ANKRD2: variants seen among roughly 807,000 people sequenced by gnomAD.
The protein encoded by ANKRD2 is ankyrin repeat domain 2.
In ANKRD2, 35 loss-of-function variants were observed where a neutral mutation model predicts 37.3. The observed-to-expected ratio is 0.94, with a 90% CI of 0.72 to 1.24. The LOEUF is 1.24. Among genes scored for constraint, ANKRD2 ranks in the 50% most tolerant of loss-of-function variants. The probability of loss-of-function intolerance (pLI) is 0.00; values close to 1 mark genes in which losing one functional copy is unlikely to be tolerated. For missense variants in ANKRD2, 410 were observed against 445.6 expected, an observed-to-expected ratio of 0.92 and a Z score of 0.72; for synonymous variants, 159 against 186.5, an observed-to-expected ratio of 0.85 and a Z score of 1.20.
chr10:97,578,144 G>GGGCCCCCCCCCCCCCCCCCCCCCCAAA, intron 2 of ANKRD2, 96 bp from the exon 3 acceptor site: 1 of 685,446 alleles, frequency 1.5e-6, no homozygotes, highest in Non-Finnish European at 2.5e-6. Flanking sequence ...GGGTCTTCCT[G>GGGCCCCCCCCCCCCCCCCCCCCCCAAA]CCCACCCCAC....
chr10:97,578,703 A>G (rs2040861243), intron 4 of ANKRD2, 98 bp downstream of exon 4: 6 of 960,628 alleles, frequency 6.2e-6, no homozygotes, highest in Admixed American at 2.6e-5. Flanking sequence ...ATTTGAGAGG[A>G]GGCACCGGTG....
At chr10:97,576,668 T>TTTTATTTA (rs59288893) in intron 1 of ANKRD2, among the ~76,000 whole-genome samples, 53,633 of 140,098 alleles carry the variant, frequency 0.38, 10,641 homozygotes, top group East Asian at 0.53. Flanking sequence ...TTAAAACTTA[T>TTTTATTTA]TTTATTTATT....
At position 97,578,311 on chromosome 10, in the gene ANKRD2, C is replaced by T. The variant is rs1176111268; in HGVS notation, c.261C>T (p.Asn87=). ...TCATCGATGTGGGCGGGATCCAGAA[C>T]CTCATCGAGCTGCGGAAGAAACGCA... ...REIIDVGGIQ[N]LIELRKKRKQ... Residue 87 remains asparagine (N), a synonymous_variant, in exon 3 of 9, where the codon AAC becomes AAT. Transcript: ENST00000370655. 4 of 1,613,124 alleles carry T rather than the reference C, an allele frequency of 2.5e-6. No homozygotes were observed. Among genetic ancestry groups the T allele is most frequent in the Non-Finnish European group, 3.4e-6 (4 of 1,179,974 alleles).
At chr10:97,576,712 T>TTTA (rs2040831110) in intron 1 of ANKRD2, among the ~76,000 whole-genome samples, 4 of 31,072 alleles carry the variant, frequency 1.3e-4, no homozygotes, top group South Asian at 1.3e-3. Flanking sequence ...TTATTTATTT[T>TTTA]TTGAGACCGA....
At chr10:97,582,754 G>A in intron 8 of ANKRD2, 52 bp downstream of exon 8, 3 of 1,553,664 alleles carry the variant, frequency 1.9e-6, no homozygotes, top group Non-Finnish European at 2.7e-6. Context: ...CTCATACAGT[G>A]GAGGTGCTGT....
In ANKRD2 at chr10:97,578,265, C is replaced by T. The variant is rs776715321; in HGVS notation, c.215C>T (p.Ser72Phe). The T allele has an allele frequency of 8.7e-6, 14 of 1,612,724 alleles. No individual in the cohort carries two copies. The highest frequency in any genetic ancestry group is 1.1e-5 in the Non-Finnish European group (13 of 1,179,844). Residue 72 changes from serine to phenylalanine, a missense_variant, in exon 3 of 9, where the codon TCC becomes TTC. Coordinates refer to ENST00000370655, the MANE Select transcript of ANKRD2 (RefSeq NM_001346793.2). Reference protein sequence around the residue: ...VKGQERVRKTSLDLRREIIDV... With the variant: ...VKGQERVRKTFLDLRREIIDV... ...GGCCAAGAGCGCGTGCGCAAGACGT[C>T]CCTGGACCTGCGGCGGGAGATCATC...
rs1374328484 is a variant in ANKRD2, at chr10:97,574,198, G to T, written c.87+1323G>T. On this transcript the variant is annotated intron_variant, in intron 1 of 8. Coordinates refer to ENST00000370655, the MANE Select transcript of ANKRD2 (RefSeq NM_001346793.2). ...CTCAGGAGGCTGAGGCAGGAGAATT[G>T]CTTGAACCTGGGAGGCGGAGGTTGC... Among the ~76,000 whole-genome samples, 3 of 151,780 alleles carry T rather than the reference G, an allele frequency of 2.0e-5. No individual in the cohort carries two copies. The East Asian group carries it at 5.8e-4, about 29-fold the overall frequency.
At chr10:97,581,222 C>T (rs2040894029) in intron 5 of ANKRD2, 94 bp from the exon 6 acceptor site, 1 of 1,303,494 alleles carries the variant, frequency 7.7e-7, no homozygotes, top group Non-Finnish European at 1.1e-6. Context: ...TACCTTTCCC[C>T]TAGATATCCC....
intron 1 of ANKRD2, among the ~76,000 whole-genome samples, chr10:97,577,023 T>TCC (rs2040835237): frequency 1.4e-5 from 2 of 142,248 alleles, no homozygotes; most frequent in East Asian, 4.3e-4. Context: ...GCAGGGTCAT[T>TCC]CTCTCTCTCT....
chr10:97,582,578 C>G (rs764976264), intron 7 of ANKRD2, 26 bp from the exon 8 acceptor site: 3 of 1,604,748 alleles, frequency 1.9e-6, no homozygotes, highest in South Asian at 2.2e-5. Flanking sequence ...CCACAAGGGC[C>G]ATAGTGAGTG....
chr10:97,578,164 C>CCCA, intron 2 of ANKRD2, 76 bp from the exon 3 acceptor site: 1 of 1,387,892 alleles, frequency 7.2e-7, no homozygotes, highest in Non-Finnish European at 9.8e-7. Flanking sequence ...CCCTCCCCAC[C>CCCA]AGCTTAGCTC....
chr10:97,578,655 C>T (rs915298147), intron 4 of ANKRD2, 50 bp downstream of exon 4: 2 of 1,412,344 alleles, frequency 1.4e-6, no homozygotes, highest in East Asian at 5.0e-5. Flanking sequence ...TTGCCACCCC[C>T]ACTCCGTTCG....
intron 1 of ANKRD2, among the ~76,000 whole-genome samples, chr10:97,573,217 C>T (rs142569829): frequency 1.1e-3 from 161 of 152,230 alleles, no homozygotes; most frequent in African/African-American, 3.4e-3. Flanking sequence ...CTGTGATGCC[C>T]CAGTGACTGA....
At position 97,578,334 on chromosome 10, in the gene ANKRD2, G is replaced by C. The variant is rs1236703236; in HGVS notation, c.284G>C (p.Arg95Pro). Residue 95 changes from arginine to proline, a missense_variant, in exon 3 of 9, where the codon CGC becomes CCC. Coordinates refer to ENST00000370655, the MANE Select transcript of ANKRD2 (RefSeq NM_001346793.2). ...AACCTCATCGAGCTGCGGAAGAAAC[G>C]CAAGCAGAAGAAGCGGGACGCTCTG... ...IQNLIELRKK[R>P]KQKKRDALAA... 6.2e-7 allele frequency: 1 copy of C among 1,613,352 alleles called. No individual in the cohort carries two copies. The highest frequency in any genetic ancestry group is 2.2e-5 in the East Asian group (1 of 44,832).
At chr10:97,578,202 C>A in intron 2 of ANKRD2, 38 bp from the exon 3 acceptor site, 2 of 1,351,036 alleles carry the variant, frequency 1.5e-6, no homozygotes, top group Non-Finnish European at 2.0e-6. Flanking sequence ...CCCAAACTCT[C>A]TGCCCGGCCT....
chr10:97,577,832 C>T lies in ANKRD2; in HGVS notation c.120C>T (p.Pro40=), dbSNP rs1242134393. ...KLRGDARQKL[P]MDLLVLEDEK... Reference sequence around the variant, plus strand: ...GAGGAGACGCACGCCAGAAGCTGCCCATGGACTTGCTGGTGCTGGAGGATG... The same window carrying T: ...GAGGAGACGCACGCCAGAAGCTGCCTATGGACTTGCTGGTGCTGGAGGATG... The change falls in exon 2 of 9, where the codon CCC becomes CCT. Residue 40 remains proline, a synonymous_variant. Transcript: ENST00000370655. 4 of 1,572,536 alleles carry T rather than the reference C, an allele frequency of 2.5e-6. No individual in the cohort carries two copies. Among genetic ancestry groups the T allele is most frequent in the African/African-American group, 2.7e-5 (2 of 74,530 alleles).
At chr10:97,576,846 G>T (rs1301435912) in intron 1 of ANKRD2, among the ~76,000 whole-genome samples, 1 of 151,580 alleles carries the variant, frequency 6.6e-6, no homozygotes, top group East Asian at 1.9e-4. Context: ...ACAGGTGCGT[G>T]CCAACACGCC....
rs2135709355 is a variant in ANKRD2 at position 97,583,561 on chromosome 10, T to C, written c.853-15T>C. ...TTCTCTTGCCAACCCCCACGCCCCGTCCCGCCCCCTCCAGGCAGGAAAGAC... is the reference window on the plus strand; with the variant it reads ...TTCTCTTGCCAACCCCCACGCCCCGCCCCGCCCCCTCCAGGCAGGAAAGAC... On this transcript the variant is annotated splice_polypyrimidine_tract_variant and intron_variant, in intron 8 of 8. Transcript: ENST00000370655. 1 of 1,588,468 alleles carries C rather than the reference T, an allele frequency of 6.3e-7. No individual in the cohort carries two copies. Among genetic ancestry groups the C allele is most frequent in the Non-Finnish European group, 8.6e-7 (1 of 1,168,604 alleles).
chr10:97,572,692 T>C, upstream of ANKRD2: 1 of 1,595,246 alleles, frequency 6.3e-7, no homozygotes, highest in Non-Finnish European at 8.5e-7. Flanking sequence ...AGGTGGAGAA[T>C]TGGGCCAGTG....
Sources: allele counts gnomAD v4.1 joint callset (sites outside exome capture counted in the v4.1 genomes callset), GRCh38; gene constraint gnomAD v4.1.1; transcripts MANE v1.5; gene names NCBI Gene and HGNC (gene_info 2026-07-23, HGNC 2026-07-21).